Variants in BTNL3 observed in about 807,000 individuals in gnomAD.
The protein encoded by BTNL3 is butyrophilin-like protein 3.
A neutral mutation model predicts 40.1 loss-of-function variants in BTNL3; 20 were observed. The ratio of observed to expected loss-of-function variants is 0.50; its 90% CI spans 0.35 to 0.72. The LOEUF is 0.72. Ranked by LOEUF, BTNL3 falls within the 30% of genes least tolerant of loss-of-function variation. The pLI, the probability that BTNL3 is intolerant of heterozygous loss-of-function variation, is 0.01. For synonymous variants in BTNL3, 179 were observed against 222.1 expected (o/e 0.81, Z 1.73); for missense variants, 449 against 582.2 (o/e 0.77, Z 2.35).
At chr5:181,002,173 A>G (rs1462865387) in intron 3 of BTNL3, among the ~76,000 whole-genome samples, 1 of 132,916 alleles carries the variant, frequency 7.5e-6, no homozygotes, top group Admixed American at 8.1e-5. Context: ...CTATGGATCA[A>G]TGAGAGAGAA....
chr5:181,005,332 A>G lies in BTNL3; in HGVS notation c.863-2A>G. The G allele has an allele frequency of 6.2e-7, 1 of 1,610,600 alleles. No homozygotes were observed. Among genetic ancestry groups the G allele is most frequent in the South Asian group, 1.1e-5 (1 of 90,964 alleles). On this transcript the variant is annotated splice_acceptor_variant, in intron 7 of 7. Transcript: ENST00000342868. LOFTEE classifies it high-confidence loss of function. ...CTTCCTCTCTCCCCCACCGCACCCC[A>G]GTGGAGGTGACTCTGGATCCAGAGA... is the stretch of plus-strand genomic sequence containing the variant.
rs565878429 is a variant in BTNL3, at chr5:181,004,213, C to T, written c.809-204C>T. ...CTGAGAAAAATTTGTGGGTGATCCTCGACCTCCCCTGGCCTGATGCTTTGA... is the reference window on the plus strand; with the variant it reads ...CTGAGAAAAATTTGTGGGTGATCCTTGACCTCCCCTGGCCTGATGCTTTGA... On this transcript the variant is annotated intron_variant, in intron 5 of 7. Transcript: ENST00000342868. 1.6e-3 allele frequency among the ~76,000 whole-genome samples: 239 copies of T among 150,416 alleles called. 1 individual carries two copies. Among genetic ancestry groups the T allele is most frequent in the African/African-American group, 5.3e-3 (218 of 41,186 alleles).
At position 181,005,632 on chromosome 5, in the gene BTNL3, G is replaced by A. The variant is rs375547399; in HGVS notation, c.1161G>A (p.Leu387=). The A allele has an allele frequency of 6.2e-7, 1 of 1,613,830 alleles. No homozygotes were observed. Among genetic ancestry groups the A allele is most frequent in the Non-Finnish European group, 8.5e-7 (1 of 1,179,966 alleles). Residue 387 remains leucine (L), a synonymous_variant, in exon 8 of 8, where the codon TTG becomes TTA. Transcript: ENST00000342868. ...TCCTCAGACTGACAACAGAACATTT[G>A]TATTTCACATTCAATCCCCATTTTA... ...YWVLRLTTEH[L]YFTFNPHFIS...
chr5:180,989,410 T>G (rs1484380267), intron 1 of BTNL3, among the ~76,000 whole-genome samples: 1 of 137,092 alleles, frequency 7.3e-6, no homozygotes, highest in Non-Finnish European at 1.7e-5. Context: ...CTGTGGGGCT[T>G]AGGCAGGGGA....
In BTNL3 at chr5:181,003,158, C is replaced by T. The variant is rs1226120897; in HGVS notation, c.787+373C>T. 1.5e-5 allele frequency among the ~76,000 whole-genome samples: 2 copies of T among 135,146 alleles called. 1 individual carries two copies. Among genetic ancestry groups the T allele is most frequent in the East Asian group, 4.4e-4 (2 of 4,592 alleles). 88.7% of individuals were successfully genotyped at this position (135,146 alleles called of 152,430 possible). On this transcript the variant is annotated intron_variant, in intron 4 of 7. Coordinates refer to ENST00000342868, the MANE Select transcript of BTNL3 (RefSeq NM_197975.3). ...ATCACTTGAGCCCAGGAGTGTAAGACCATCCTGGGCAACATGGCGAGAACT... is the reference window on the plus strand; with the variant it reads ...ATCACTTGAGCCCAGGAGTGTAAGATCATCCTGGGCAACATGGCGAGAACT...
At chr5:181,003,327 G>A (rs1470447636) in intron 4 of BTNL3, among the ~76,000 whole-genome samples, 1 of 135,748 alleles carries the variant, frequency 7.4e-6, no homozygotes, top group African/African-American at 2.5e-5. Context: ...AGCCATGTTC[G>A]CACCACTGCA....
At position 181,005,764 on chromosome 5, in the gene BTNL3, C is replaced by G. The variant is rs757080200; in HGVS notation, c.1293C>G (p.Thr431=). The G allele has an allele frequency of 6.2e-7, 1 of 1,614,102 alleles. No homozygotes were observed. The highest frequency in any genetic ancestry group is 2.2e-5 in the East Asian group (1 of 44,886). Residue 431 remains threonine (T), a synonymous_variant, in exon 8 of 8, where the codon ACC becomes ACG. Coordinates refer to ENST00000342868, the MANE Select transcript of BTNL3 (RefSeq NM_197975.3). ...CAAATGACCAGTCCCTTATTTATACCCTGCTGACATGTCAGTTTGAAGGCT... is the reference window on the plus strand; with the variant it reads ...CAAATGACCAGTCCCTTATTTATACGCTGCTGACATGTCAGTTTGAAGGCT... ...FNTNDQSLIY[T]LLTCQFEGLL...
chr5:180,989,409 T>A (rs1203417430), intron 1 of BTNL3, among the ~76,000 whole-genome samples: 1 of 137,130 alleles, frequency 7.3e-6, no homozygotes, highest in Non-Finnish European at 1.7e-5. Context: ...GCTGTGGGGC[T>A]TAGGCAGGGG....
chr5:180,990,449 G>A (rs1313168945), intron 1 of BTNL3, among the ~76,000 whole-genome samples: 1 of 137,990 alleles, frequency 7.2e-6, no homozygotes, highest in Non-Finnish European at 1.7e-5. Flanking sequence ...AAGGGCTGCT[G>A]TGTGGATTGC....
At chr5:181,004,268 A>C in intron 5 of BTNL3, 149 bp from the exon 6 acceptor site, 2 of 609,870 alleles carry the variant, frequency 3.3e-6, no homozygotes, top group Non-Finnish European at 5.7e-6. Flanking sequence ...TCAACCACTA[A>C]ATAGTCTGCT....
chr5:180,992,863 G>A lies in BTNL3; in HGVS notation c.100G>A (p.Glu34Lys), dbSNP rs1433180950. 5 of 1,463,188 alleles carry A rather than the reference G, an allele frequency of 3.4e-6. No individual in the cohort carries two copies. Among genetic ancestry groups the A allele is most frequent in the South Asian group, 2.2e-5 (2 of 89,288 alleles). 90.6% of individuals were successfully genotyped at this position (1,463,188 alleles called of 1,614,324 possible). A position where few individuals can be genotyped will look rare whatever the true frequency, so the allele number is the denominator to read the frequency against. The change falls in exon 2 of 8, where the codon GAG becomes AAG. Residue 34 changes from glutamate (E) to lysine (K), a missense_variant. Glu to Lys is a moderately conservative substitution (Grantham distance 56). Around this residue, in one of 2 missense-constraint regions of BTNL3, gnomAD observed 323 missense variants for 464.9 expected, o/e 0.69. Coordinates refer to ENST00000342868, the MANE Select transcript of BTNL3 (RefSeq NM_197975.3). ...CAAGTTTGTCCAGGCCTTGGTGGGG[G>A]AGGACGCCGTGTTCTCCTGCTCCCT... ...PGKFVQALVG[E>K]DAVFSCSLFP...
rs143906320 is a variant in BTNL3 at position 181,004,750 on chromosome 5, C to A, written c.850C>A (p.Arg284=). The change falls in exon 7 of 8, where the codon CGG becomes AGG. Residue 284 remains arginine (R), a synonymous_variant. Transcript: ENST00000342868. ...KHGQAELRDA[R]KHAVEVTLDP... ...CTTGCTTTCAGAATTGAGAGACGCC[C>A]GGAAACACGCAGGTACCAACGCCTG... 4.3e-6 allele frequency: 7 copies of A among 1,614,174 alleles called. No individual in the cohort carries two copies. In the South Asian group the frequency reaches 7.7e-5, roughly 18 times the overall value.
At chr5:180,993,647 G>A (rs1177098262) in intron 2 of BTNL3, among the ~76,000 whole-genome samples, 2 of 135,296 alleles carry the variant, frequency 1.5e-5, no homozygotes, top group Non-Finnish European at 3.4e-5. Context: ...TTACCACTTT[G>A]AAGTGTGGAA....
intron 2 of BTNL3, among the ~76,000 whole-genome samples, chr5:180,994,620 G>GCT (rs1335716785): frequency 7.4e-6 from 1 of 134,986 alleles, no homozygotes; most frequent in Non-Finnish European, 1.7e-5. Flanking sequence ...TACTCTTTCA[G>GCT]CTCTCTCTCT....
Position 180,989,049 on chromosome 5 carries a change from G to C in BTNL3, c.21G>C (p.Leu7Phe), listed in dbSNP as rs1759938002. The C allele has an allele frequency of 6.9e-7, 1 of 1,449,588 alleles. No homozygotes were observed. The highest frequency in any genetic ancestry group is 9.5e-7 in the Non-Finnish European group (1 of 1,051,844). The allele number at this position is 1,449,588 out of a possible 1,614,324, so 89.8% of individuals were successfully genotyped here. The change falls in exon 1 of 8, where the codon TTG becomes TTC. Residue 7 changes from leucine to phenylalanine, a missense_variant. Leu to Phe is a conservative substitution (Grantham distance 22). Around this residue, in one of 2 missense-constraint regions of BTNL3, gnomAD observed 323 missense variants for 464.9 expected, o/e 0.69. Coordinates refer to ENST00000342868, the MANE Select transcript of BTNL3 (RefSeq NM_197975.3). ...TATCCATGGCTTTTGTGCTCATTTT[G>C]GTTCTCAGTTTCTACGAGCTGGTGT... The part of the protein sequence containing the change: MAFVLI[L>F]VLSFYELVSG...
intron 7 of BTNL3, 116 bp downstream of exon 7, chr5:181,004,878 G>A (rs1760191053): frequency 6.3e-7 from 1 of 1,588,680 alleles, no homozygotes; most frequent in East Asian, 2.3e-5. Flanking sequence ...CCACCCCAGG[G>A]TGCAGCTGCC....
intron 2 of BTNL3, among the ~76,000 whole-genome samples, chr5:180,995,977 C>T (rs1422341046): frequency 7.4e-6 from 1 of 135,812 alleles, no homozygotes; most frequent in Non-Finnish European, 1.7e-5. Context: ...CTTACTTGAG[C>T]CCCCTTCCTT....
intron 3 of BTNL3, among the ~76,000 whole-genome samples, chr5:181,000,025 A>G (rs1760085095): frequency 7.3e-6 from 1 of 136,428 alleles, no homozygotes; most frequent in African/African-American, 2.5e-5. Context: ...AATAGGAAAT[A>G]TTAAACTCAT....
Position 181,006,049 on chromosome 5 carries a change from G to C in BTNL3, c.*177G>C. ...TGCCCTGAGCCCTGCAGCAGCGGCA[G>C]TCACAGCTTCCAGATGAGGGGGGAT... On this transcript the variant is annotated 3_prime_UTR_variant, in exon 8 of 8. Coordinates refer to ENST00000342868, the MANE Select transcript of BTNL3 (RefSeq NM_197975.3). 2.9e-6 allele frequency: 2 copies of C among 681,860 alleles called. 1 individual carries two copies. The highest frequency in any genetic ancestry group is 5.3e-5 in the South Asian group (2 of 37,682). 42.2% of individuals were successfully genotyped at this position (681,860 alleles called of 1,614,324 possible). A position where few individuals can be genotyped will look rare whatever the true frequency, so the allele number is the denominator to read the frequency against.
Sources: gnomAD v4.1 joint callset for allele counts (sites outside exome capture counted in the v4.1 genomes callset) on GRCh38, gnomAD v4.1.1 for gene constraint, gnomAD v4.1.1 regional missense constraint, MANE v1.5 for transcripts, NCBI Gene and HGNC (gene_info 2026-07-23, HGNC 2026-07-21) for gene names.